Variants in DOCK11 observed in about 807,000 individuals in gnomAD.
DOCK11 encodes dedicator of cytokinesis 11.
Under a neutral mutation model 169.1 loss-of-function variants are expected in DOCK11, and 70 were observed. The observed-to-expected ratio is 0.41, with a 90% CI of 0.34 to 0.51. DOCK11 has a LOEUF of 0.51. Among genes scored for constraint, DOCK11 ranks in the 20% least tolerant of loss-of-function variants. The probability of loss-of-function intolerance (pLI) is 0.10; values close to 1 mark genes in which losing one functional copy is unlikely to be tolerated. For missense variants in DOCK11, 1,166 were observed against 1,538.8 expected, an observed-to-expected ratio of 0.76 and a Z score of 4.05; for synonymous variants, 529 against 541.3, an observed-to-expected ratio of 0.98 and a Z score of 0.32.
rs139740219 is a variant in DOCK11 at position 118,593,320 on chromosome X, A to G, written c.2246A>G (p.Asp749Gly). 404 of 1,201,038 alleles carry G rather than the reference A, an allele frequency of 3.4e-4. 2 individuals are homozygous for G. The South Asian group carries it at 5.5e-3, about 16-fold the overall frequency. ...INTKGTTKKQ[D>G]TVETPVGFAW... is the part of the protein sequence containing the mutation. Reference sequence around the variant, plus strand: ...ACAAAGGGAACAACCAAAAAGCAAGACACAGTTGAAACTCCAGGTACGTGT... The same window carrying G: ...ACAAAGGGAACAACCAAAAAGCAAGGCACAGTTGAAACTCCAGGTACGTGT... The change falls in exon 20 of 53, where the codon GAC becomes GGC. Residue 749 changes from aspartate to glycine, a missense_variant. Coordinates refer to ENST00000276202, the MANE Select transcript of DOCK11 (RefSeq NM_144658.4).
intron 1 of DOCK11, among the ~76,000 whole-genome samples, chrX:118,531,652 A>G (rs2011591111): frequency 9.3e-6 from 1 of 107,592 alleles, no homozygotes; most frequent in East Asian, 2.9e-4. Flanking sequence ...CCGCCTCCCA[A>G]GTTCAAGTGA....
chrX:118,561,243 T>A, intron 6 of DOCK11, 140 bp from the exon 7 acceptor site: 1 of 476,937 alleles, frequency 2.1e-6, no homozygotes, highest in Non-Finnish European at 3.3e-6. Flanking sequence ...TAATGATAAT[T>A]CCTAACATCT....
intron 35 of DOCK11, chrX:118,632,959 TGGGGGGCGGTGG>T (rs1440170103): frequency 4.6e-4 from 1 of 2,192 alleles, no homozygotes; most frequent in African/African-American, 1.6e-3. Flanking sequence ...GAGAAGGTGG[TGGGGGGCGGTGG>T]GGGGGGGGGT....
chrX:118,644,844 C>T (rs2015615703), intron 40 of DOCK11, among the ~76,000 whole-genome samples: 1 of 111,477 alleles, frequency 9.0e-6, no homozygotes, highest in Admixed American at 9.6e-5. Flanking sequence ...GGAAGTAACA[C>T]AATTATATTT....
intron 52 of DOCK11, among the ~76,000 whole-genome samples, chrX:118,684,358 G>A (rs1350607165): frequency 2.1e-5 from 2 of 94,436 alleles, no homozygotes; most frequent in East Asian, 3.6e-4. Flanking sequence ...TGCAACCTCC[G>A]CCTCCCGGAT....
In DOCK11 at chrX:118,605,217, CTAA is replaced by C; in HGVS notation, c.2563-16_2563-14del. On this transcript the variant is annotated intron_variant, in intron 23 of 52. Transcript: ENST00000276202. The stretch of plus-strand genomic sequence containing the variant: ...ATCATATTTCTGTTTGTTTTCATAA[CTAA>C]TAATGACTTAATTTTAGTGTTTGCA... 2.8e-6 allele frequency: 3 copies of C among 1,062,083 alleles called. No individual in the cohort carries two copies. Among genetic ancestry groups the C allele is most frequent in the Non-Finnish European group, 3.8e-6 (3 of 785,059 alleles). The allele number at this position is 1,062,083 out of a possible 1,213,427, so 87.5% of individuals were successfully genotyped here.
intron 1 of DOCK11, among the ~76,000 whole-genome samples, chrX:118,510,189 A>G (rs1278238783): frequency 8.9e-6 from 1 of 112,168 alleles, no homozygotes; most frequent in African/African-American, 3.2e-5. Flanking sequence ...ATGTCACCCA[A>G]GTTTGAGGAC....
intron 1 of DOCK11, among the ~76,000 whole-genome samples, chrX:118,521,707 A>G (rs1405281766): frequency 8.9e-6 from 1 of 112,004 alleles, no homozygotes; most frequent in Non-Finnish European, 1.9e-5. Flanking sequence ...CTATTCTAAT[A>G]AGGTGTTTTT....
intron 7 of DOCK11, among the ~76,000 whole-genome samples, chrX:118,563,140 G>A (rs1423075838): frequency 1.8e-5 from 2 of 111,902 alleles, no homozygotes; most frequent in African/African-American, 6.5e-5. Context: ...GTGGTGTGGT[G>A]GACTAGAAGA....
intron 46 of DOCK11, among the ~76,000 whole-genome samples, chrX:118,674,887 G>A (rs1448105166): frequency 2.7e-5 from 3 of 111,858 alleles, no homozygotes; most frequent in Non-Finnish European, 5.6e-5. Context: ...CATGTGAAGT[G>A]GCACCTCATT....
chrX:118,607,048 CTTTCCTTTCCT>C (rs761130624), intron 24 of DOCK11, among the ~76,000 whole-genome samples: 35 of 107,217 alleles, frequency 3.3e-4, no homozygotes, highest in Non-Finnish European at 5.6e-4. Context: ...TTTCCTTTCC[CTTTCCTTTCCT>C]TTTCCTTTTC....
intron 1 of DOCK11, among the ~76,000 whole-genome samples, chrX:118,509,527 G>C (rs1027065889): frequency 9.0e-6 from 1 of 111,728 alleles, no homozygotes; most frequent in Non-Finnish European, 1.9e-5. Context: ...GCCTCCCAAA[G>C]TGCTCGGATT....
At chrX:118,648,031 T>TATTATTATAATATATAATATAAATTATAA (rs1396769976) in intron 40 of DOCK11, among the ~76,000 whole-genome samples, 6 of 45,361 alleles carry the variant, frequency 1.3e-4, no homozygotes, top group Non-Finnish European at 2.2e-4. Context: ...AATTATAATA[T>TATTATTATAATATATAATATAAATTATAA]TATATAATAA....
intron 28 of DOCK11, 100 bp downstream of exon 28, chrX:118,610,518 C>A: frequency 1.0e-6 from 1 of 967,046 alleles, no homozygotes; most frequent in South Asian, 2.4e-5. Context: ...GCTAGGTCTT[C>A]ATAAGACTGT....
At position 118,652,056 on chromosome X, in the gene DOCK11, A is replaced by G; in HGVS notation, c.4674A>G (p.Ala1558=). The G allele has an allele frequency of 8.5e-7, 1 of 1,179,179 alleles. No homozygotes were observed. Among genetic ancestry groups the G allele is most frequent in the Non-Finnish European group, 1.2e-6 (1 of 868,937 alleles). ...QESLFIINNF[A]NSDRPMKATA... ...CTTTATTCATTATCAATAATTTTGC[A>G]AATAGTGACAGACCTATGAAGGTAT... The change falls in exon 42 of 53, where the codon GCA becomes GCG. Residue 1558 remains alanine, a synonymous_variant. Coordinates refer to ENST00000276202, the MANE Select transcript of DOCK11 (RefSeq NM_144658.4).
Position 118,517,241 on chromosome X carries a change from G to A in DOCK11, c.102+21168G>A, listed in dbSNP as rs184532240. The stretch of plus-strand genomic sequence containing the variant: ...TTAAAAAAAATAATAAAATTAGCTG[G>A]GCATGGTGGTGTGTGCCTGTAGTCC... On this transcript the variant is annotated intron_variant, in intron 1 of 52. Transcript: ENST00000276202. Among the ~76,000 whole-genome samples the A allele has an allele frequency of 6.3e-3, 687 of 108,810 alleles. 5 individuals are homozygous for A. The highest frequency in any genetic ancestry group is 9.9e-3 in the Non-Finnish European group (519 of 52,550). 94.5% of individuals were successfully genotyped at this position (108,810 alleles called of 115,157 possible).
At chrX:118,576,173 C>T (rs1489744770) in intron 12 of DOCK11, among the ~76,000 whole-genome samples, 1 of 111,819 alleles carries the variant, frequency 8.9e-6, no homozygotes, top group African/African-American at 3.3e-5. Flanking sequence ...ATATATAACC[C>T]TAGCACATGC....
chrX:118,618,235 A>T (rs1394023454), intron 30 of DOCK11, among the ~76,000 whole-genome samples: 1 of 111,996 alleles, frequency 8.9e-6, no homozygotes, highest in East Asian at 2.8e-4. Flanking sequence ...TGCAAAATAT[A>T]TAATTATTTT....
In DOCK11 at chrX:118,522,899, A is replaced by G. The variant is rs371189758; in HGVS notation, c.103-19826A>G. ...AACAGGGTGAGTAGACCAGGAGGCA[A>G]GAATTCTAGGGGCATCTCAGAATTT... is the stretch of plus-strand genomic sequence containing the variant. On this transcript the variant is annotated intron_variant, in intron 1 of 52. Coordinates refer to ENST00000276202, the MANE Select transcript of DOCK11 (RefSeq NM_144658.4). Among the ~76,000 whole-genome samples, 5 of 111,935 alleles carry G rather than the reference A, an allele frequency of 4.5e-5. No homozygotes were observed. The East Asian group carries it at 8.4e-4, about 19-fold the overall frequency.
Sources: gnomAD v4.1 joint callset for allele counts (sites outside exome capture counted in the v4.1 genomes callset) on GRCh38, gnomAD v4.1.1 for gene constraint, MANE v1.5 for transcripts, NCBI Gene and HGNC (gene_info 2026-07-23, HGNC 2026-07-21) for gene names.